The following RASGRF2 variants were observed in gnomAD, a reference collection of about 807,000 sequenced individuals.
The protein encoded by RASGRF2 is Ras protein specific guanine nucleotide releasing factor 2.
RASGRF2 carries 76 observed loss-of-function variants against 151.0 expected under a neutral mutation model. The ratio of observed to expected loss-of-function variants is 0.50; its 90% CI spans 0.42 to 0.61. RASGRF2 has a LOEUF of 0.61. Among genes scored for constraint, RASGRF2 ranks in the 20% least tolerant of loss-of-function variants. RASGRF2 has a pLI of 0.00. For synonymous variants in RASGRF2, 504 were observed against 566.5 expected, an observed-to-expected ratio of 0.89 and a Z score of 1.57; for missense variants, 1,148 against 1,564.6, an observed-to-expected ratio of 0.73 and a Z score of 4.49.
intron 2 of RASGRF2, among the ~76,000 whole-genome samples, chr5:81,050,362 A>G (rs1750972183): frequency 6.6e-6 from 1 of 152,246 alleles, no homozygotes; most frequent in Admixed American, 6.5e-5. Flanking sequence ...CTTATTGTAG[A>G]AAATTTTAAA....
chr5:81,165,268 A>G (rs1015382815), intron 17 of RASGRF2, among the ~76,000 whole-genome samples: 22 of 152,208 alleles, frequency 1.4e-4, no homozygotes, highest in African/African-American at 5.1e-4. Flanking sequence ...CTCCTGACTC[A>G]GGAAATACCA....
chr5:81,217,566 TTTC>T, intron 25 of RASGRF2, 93 bp downstream of exon 25: 2 of 870,616 alleles, frequency 2.3e-6, no homozygotes, highest in Non-Finnish European at 3.1e-6. Context: ...GCTTTTTTTT[TTTC>T]TCTTCTTTTT....
intron 2 of RASGRF2, among the ~76,000 whole-genome samples, chr5:81,052,066 TTGTATC>T (rs1026633626): frequency 9.8e-5 from 15 of 152,364 alleles, no homozygotes; most frequent in Middle Eastern, 3.4e-3. Flanking sequence ...ATTAATATAG[TTGTATC>T]TGTATTCTTG....
intron 1 of RASGRF2, among the ~76,000 whole-genome samples, chr5:81,024,087 T>A (rs900414500): frequency 6.6e-6 from 1 of 152,082 alleles, no homozygotes; most frequent in Non-Finnish European, 1.5e-5. Context: ...ATGGGGCTCA[T>A]GACTGTCTGG....
chr5:81,154,498 G>A (rs190268668), intron 17 of RASGRF2, among the ~76,000 whole-genome samples: 121 of 152,234 alleles, frequency 7.9e-4, no homozygotes, highest in Middle Eastern at 3.4e-3. Flanking sequence ...CCAAAGTGCT[G>A]AGATTATAAG....
chr5:81,164,927 ACATTGAG>A (rs1754470694), intron 17 of RASGRF2, among the ~76,000 whole-genome samples: 1 of 152,236 alleles, frequency 6.6e-6, no homozygotes. Flanking sequence ...AAAGTTTTCA[ACATTGAG>A]CATTGAGCGG....
At chr5:81,219,867 C>A in intron 26 of RASGRF2, 89 bp downstream of exon 26, 1 of 1,025,446 alleles carries the variant, frequency 9.8e-7, no homozygotes, top group South Asian at 1.6e-5. Flanking sequence ...ATCCAAAATA[C>A]CAAAAGCTAG....
chr5:81,197,990 G>C (rs1157395978), intron 18 of RASGRF2, among the ~76,000 whole-genome samples: 1 of 151,796 alleles, frequency 6.6e-6, no homozygotes, highest in African/African-American at 2.4e-5. Flanking sequence ...AAAATTTTTT[G>C]AGAGAAAAAT....
At chr5:81,180,120 G>C (rs1442058444) in intron 17 of RASGRF2, 55 bp from the exon 18 acceptor site, 2 of 988,946 alleles carry the variant, frequency 2.0e-6, no homozygotes, top group East Asian at 4.8e-5. Flanking sequence ...ACCTTTTCCA[G>C]GTCCCTAGGG....
chr5:81,051,000 A>T (rs192356398), intron 2 of RASGRF2, among the ~76,000 whole-genome samples: 1 of 152,326 alleles, frequency 6.6e-6, no homozygotes, highest in Non-Finnish European at 1.5e-5. Context: ...ATGATATATT[A>T]GTATAATAAG....
chr5:81,184,313 C>T (rs1754978563), intron 18 of RASGRF2, among the ~76,000 whole-genome samples: 1 of 152,214 alleles, frequency 6.6e-6, no homozygotes, highest in African/African-American at 2.4e-5. Flanking sequence ...GGTTTCAGAC[C>T]TGTAGTGCTA....
intron 12 of RASGRF2, among the ~76,000 whole-genome samples, chr5:81,108,383 T>TTTAA (rs1752901426): frequency 6.6e-6 from 1 of 152,198 alleles, no homozygotes; most frequent in Non-Finnish European, 1.5e-5. Context: ...GATACAAGGC[T>TTTAA]TTAAGCATGC....
chr5:81,021,736 C>T (rs1749833603), intron 1 of RASGRF2, among the ~76,000 whole-genome samples: 1 of 152,152 alleles, frequency 6.6e-6, no homozygotes, highest in African/African-American at 2.4e-5. Flanking sequence ...GCCCAATGCA[C>T]AGTGAGTCAG....
chr5:81,042,986 A>G lies in RASGRF2; in HGVS notation c.395+3A>G, dbSNP rs771345306. The G allele has an allele frequency of 6.2e-7, 1 of 1,600,784 alleles. No individual in the cohort carries two copies. Among genetic ancestry groups the G allele is most frequent in the Non-Finnish European group, 8.5e-7 (1 of 1,170,786 alleles). On this transcript the variant is annotated splice_donor_region_variant and intron_variant, in intron 2 of 26. Transcript: ENST00000265080. The stretch of plus-strand genomic sequence containing the variant: ...ATGGAGGCCATTCACCAAGCCAGGT[A>G]TAGGCTCAGTCTTCCTGTGTAGTAC...
chr5:81,139,304 T>C (rs1324617285), intron 17 of RASGRF2, among the ~76,000 whole-genome samples: 2 of 152,154 alleles, frequency 1.3e-5, no homozygotes, highest in African/African-American at 4.8e-5. Flanking sequence ...AAAGATTCTT[T>C]AGGATTCTCT....
intron 18 of RASGRF2, among the ~76,000 whole-genome samples, chr5:81,183,616 G>A (rs559362016): frequency 7.2e-5 from 11 of 152,132 alleles, no homozygotes; most frequent in Non-Finnish European, 1.5e-4. Context: ...CTCACTATTT[G>A]TTGCCTTTTA....
rs79929423 is a variant in RASGRF2, at chr5:81,112,930, G to A, written c.2087+72G>A. ...TTCGTTCCGGAGTCACCATGAGGAT[G>A]AGCAGGCCAGCTCTGCAAAGCAGCT... On this transcript the variant is annotated intron_variant, in intron 14 of 26. Coordinates refer to ENST00000265080, the MANE Select transcript of RASGRF2 (RefSeq NM_006909.3). 760 of 1,581,494 alleles carry A rather than the reference G, an allele frequency of 4.8e-4. 3 individuals are homozygous for A. The African/African-American group carries it at 9.6e-3, about 20-fold the overall frequency.
chr5:80,980,495 AGCCAGGCATGGTGGTGCAC>A (rs1748263144), intron 1 of RASGRF2, among the ~76,000 whole-genome samples: 1 of 152,160 alleles, frequency 6.6e-6, no homozygotes, highest in Non-Finnish European at 1.5e-5. Flanking sequence ...TATGAAAATT[AGCCAGGCATGGTGGTGCAC>A]GCCTATAATC....
chr5:81,142,884 C>T (rs747156492), intron 17 of RASGRF2, among the ~76,000 whole-genome samples: 22 of 152,146 alleles, frequency 1.4e-4, no homozygotes, highest in Non-Finnish European at 2.9e-4. Context: ...CTGGCCCTGC[C>T]TCTTGCAGTC....
Sources: gnomAD v4.1 joint callset for allele counts (sites outside exome capture counted in the v4.1 genomes callset) on GRCh38, gnomAD v4.1.1 for gene constraint, MANE v1.5 for transcripts, NCBI Gene and HGNC (gene_info 2026-07-23, HGNC 2026-07-21) for gene names.